CASK: variants seen among roughly 807,000 people sequenced by gnomAD.
CASK encodes the protein calcium/calmodulin dependent serine protein kinase.
Under a neutral mutation model 82.9 loss-of-function variants are expected in CASK, and 4 were observed. The observed-to-expected ratio is 0.05, with a 90% confidence interval of 0.02 to 0.11. The LOEUF (loss-of-function observed/expected upper bound fraction) is 0.11, where lower values mean the gene tolerates loss of function less well. Among genes scored for constraint, CASK ranks in the 10% least tolerant of loss-of-function variants. CASK has a pLI of 1.00. For missense variants in CASK, 358 were observed against 720.9 expected, an observed-to-expected ratio of 0.50 and a Z score of 5.76; for synonymous variants, 259 against 253.5, an observed-to-expected ratio of 1.02 and a Z score of -0.20.
chrX:41,657,713 G>A (rs948561203), intron 8 of CASK, among the ~76,000 whole-genome samples: 1 of 110,563 alleles, frequency 9.0e-6, no homozygotes, highest in Non-Finnish European at 1.9e-5. Flanking sequence ...AGTAGAGATG[G>A]GGTTTCACCA....
intron 3 of CASK, among the ~76,000 whole-genome samples, chrX:41,776,804 T>C (rs2069373477): frequency 8.9e-6 from 1 of 112,539 alleles, no homozygotes; most frequent in Non-Finnish European, 1.9e-5. Flanking sequence ...AATGGGAAGA[T>C]AGACACTATG....
At chrX:41,833,127 T>A (rs751297517) in intron 2 of CASK, among the ~76,000 whole-genome samples, 3 of 111,788 alleles carry the variant, frequency 2.7e-5, no homozygotes, top group Non-Finnish European at 5.6e-5. Context: ...GAGTATGAGT[T>A]TGGGGGTTAT....
chrX:41,592,332 CTG>C (rs1300413516), intron 12 of CASK, among the ~76,000 whole-genome samples: 2 of 110,459 alleles, frequency 1.8e-5, no homozygotes, highest in East Asian at 2.8e-4. Flanking sequence ...CCATGATAAA[CTG>C]TAAGTTTTGC....
intron 2 of CASK, among the ~76,000 whole-genome samples, chrX:41,838,270 C>T (rs909999022): frequency 1.8e-5 from 2 of 112,351 alleles, no homozygotes; most frequent in Non-Finnish European, 3.8e-5. Flanking sequence ...TGTTTAGAAC[C>T]TGTATAACCC....
intron 5 of CASK, chrX:41,728,942 T>C (rs900888509): frequency 1.6e-5 from 2 of 123,115 alleles, no homozygotes; most frequent in South Asian, 7.4e-4. Flanking sequence ...ATGATACTTA[T>C]AAAAATGCTT....
chrX:41,767,208 A>G (rs2069134000), intron 3 of CASK, among the ~76,000 whole-genome samples: 1 of 112,140 alleles, frequency 8.9e-6, no homozygotes, highest in East Asian at 2.8e-4. Flanking sequence ...ACTTATATGC[A>G]GAATGTTTTC....
chrX:41,857,127 CTT>C (rs1360927906), intron 1 of CASK, among the ~76,000 whole-genome samples: 1 of 111,342 alleles, frequency 9.0e-6, no homozygotes, highest in African/African-American at 3.3e-5. Context: ...TCGGAGCTCT[CTT>C]AATCAGCTTT....
intron 1 of CASK, among the ~76,000 whole-genome samples, chrX:41,896,950 T>A (rs1206007117): frequency 8.9e-6 from 1 of 112,298 alleles, no homozygotes; most frequent in Non-Finnish European, 1.9e-5. Context: ...CCACTATTAA[T>A]TTTTGTAGGT....
intron 25 of CASK, among the ~76,000 whole-genome samples, chrX:41,528,876 AG>A (rs1485409708): frequency 8.9e-6 from 1 of 112,183 alleles, no homozygotes; most frequent in Admixed American, 9.4e-5. Context: ...AGGGCAGAGA[AG>A]CCCGAGAGTG....
At chrX:41,836,818 A>G (rs1203401673) in intron 2 of CASK, among the ~76,000 whole-genome samples, 4 of 112,332 alleles carry the variant, frequency 3.6e-5, no homozygotes, top group Admixed American at 1.9e-4. Flanking sequence ...AAGAAAATGC[A>G]ACTGCAAATA....
chrX:41,585,437 TAA>T (rs752198864), intron 14 of CASK: 1 of 112,739 alleles, frequency 8.9e-6, no homozygotes, highest in Admixed American at 9.4e-5. Context: ...ATAACTTGGT[TAA>T]AAGTTTAGAA....
chrX:41,908,354 C>A (rs899404907), intron 1 of CASK, among the ~76,000 whole-genome samples: 1 of 111,945 alleles, frequency 8.9e-6, no homozygotes, highest in African/African-American at 3.3e-5. Context: ...CCAGCCTGGG[C>A]GACAGAACAA....
intron 3 of CASK, among the ~76,000 whole-genome samples, chrX:41,769,181 CTTTTCTTTTTCT>C (rs1209167826): frequency 1.9e-5 from 2 of 104,304 alleles, no homozygotes; most frequent in East Asian, 6.0e-4. Flanking sequence ...GTACTTTTTT[CTTTTCTTTTTCT>C]TTTTCTTTTT....
intron 2 of CASK, among the ~76,000 whole-genome samples, chrX:41,830,190 G>A (rs925062559): frequency 1.8e-5 from 2 of 108,248 alleles, no homozygotes; most frequent in Admixed American, 2.0e-4. Flanking sequence ...TGTAGAGATC[G>A]GGTCTCACTA....
chrX:41,904,763 C>T (rs5963284), intron 1 of CASK, among the ~76,000 whole-genome samples: 2 of 111,497 alleles, frequency 1.8e-5, no homozygotes, highest in Non-Finnish European at 3.8e-5. Flanking sequence ...CTCAAGTAGG[C>T]CCCAGTGTCT....
At chrX:41,828,846 T>C (rs2070725665) in intron 2 of CASK, among the ~76,000 whole-genome samples, 1 of 112,394 alleles carries the variant, frequency 8.9e-6, no homozygotes, top group Non-Finnish European at 1.9e-5. Flanking sequence ...CAAAGCAGAT[T>C]CACCTGTACA....
At chrX:41,679,281 A>G (rs76068774) in intron 5 of CASK, among the ~76,000 whole-genome samples, 13,290 of 110,538 alleles carry the variant, frequency 0.12, 785 homozygotes, top group Middle Eastern at 0.18. Flanking sequence ...CTCTGCTGCC[A>G]TCTCCCCCAG....
At chrX:41,920,607 C>T (rs972385815) in intron 1 of CASK, among the ~76,000 whole-genome samples, 18 of 111,677 alleles carry the variant, frequency 1.6e-4, no homozygotes, top group Admixed American at 2.8e-4. Context: ...GCTTGCTGCC[C>T]CTCTTTATGC....
chrX:41,749,332 A>G (rs1256693509), intron 3 of CASK, among the ~76,000 whole-genome samples: 9 of 105,474 alleles, frequency 8.5e-5, no homozygotes, highest in Non-Finnish European at 1.6e-4. Flanking sequence ...CTGTAGTAGC[A>G]GCTTTTAATA....
Sources: allele counts gnomAD v4.1 joint callset (sites outside exome capture counted in the v4.1 genomes callset), GRCh38; gene constraint gnomAD v4.1.1; transcripts MANE v1.5; gene names NCBI Gene and HGNC (gene_info 2026-07-23, HGNC 2026-07-21).